The following HECW1 variants were observed in gnomAD, a reference collection of about 807,000 sequenced individuals.
The protein encoded by HECW1 is HECT, C2 and WW domain containing E3 ubiquitin protein ligase 1.
Under a neutral mutation model 182.3 loss-of-function variants are expected in HECW1, and 61 were observed. The observed-to-expected ratio is 0.33, with a 90% CI of 0.27 to 0.41. The LOEUF (loss-of-function observed/expected upper bound fraction) is 0.41. HECW1 is among the 10% of genes least tolerant of loss of function. The pLI is 1.00. For synonymous variants in HECW1, 859 were observed against 832.6 expected (o/e 1.03, Z -0.55); for missense variants, 1,739 against 2,108.9 (o/e 0.82, Z 3.44).
At chr7:43,258,589 G>A (rs1225565611) in intron 3 of HECW1, 2 of 152,254 alleles carry the variant, frequency 1.3e-5, no homozygotes, top group Middle Eastern at 3.4e-3. Context: ...GTACTTGAAT[G>A]GGAATATAGA....
At chr7:43,233,037 C>T (rs1421904297) in intron 2 of HECW1, among the ~76,000 whole-genome samples, 2 of 152,160 alleles carry the variant, frequency 1.3e-5, no homozygotes, top group East Asian at 3.9e-4. Flanking sequence ...TCTCAGCAGG[C>T]ACATATTCTC....
intron 8 of HECW1, among the ~76,000 whole-genome samples, chr7:43,430,430 A>G (rs1419840187): frequency 6.6e-6 from 1 of 152,262 alleles, no homozygotes; most frequent in Non-Finnish European, 1.5e-5. Context: ...CACAAAAAGT[A>G]TAGATTACAA....
At chr7:43,132,800 C>G (rs1787104185) in intron 2 of HECW1, among the ~76,000 whole-genome samples, 1 of 152,116 alleles carries the variant, frequency 6.6e-6, no homozygotes, top group South Asian at 2.1e-4. Context: ...TCCTTCCTTC[C>G]TTCCTCCCTT....
intron 14 of HECW1, 120 bp downstream of exon 14, chr7:43,463,919 G>T: frequency 8.7e-7 from 1 of 1,154,466 alleles, no homozygotes; most frequent in East Asian, 2.4e-5. Context: ...GAGAGTGGAA[G>T]TCCAGGGTGG....
At chr7:43,508,780 A>C in intron 23 of HECW1, 189 bp from the exon 24 acceptor site, 1 of 629,064 alleles carries the variant, frequency 1.6e-6, no homozygotes, top group Non-Finnish European at 2.8e-6. Flanking sequence ...ACATCTCCAA[A>C]CCAATTACTG....
At chr7:43,420,655 T>A (rs1456804566) in intron 8 of HECW1, among the ~76,000 whole-genome samples, 1 of 152,134 alleles carries the variant, frequency 6.6e-6, no homozygotes, top group African/African-American at 2.4e-5. Context: ...GTAAAATAAA[T>A]CATATTTCTA....
intron 2 of HECW1, among the ~76,000 whole-genome samples, chr7:43,180,177 G>A (rs1183204909): frequency 1.8e-5 from 2 of 109,140 alleles, no homozygotes; most frequent in East Asian, 9.0e-4. Context: ...TTATAGCAGA[G>A]GTTATGTGAC....
chr7:43,189,466 G>T (rs1172913964), intron 2 of HECW1, among the ~76,000 whole-genome samples: 1 of 152,136 alleles, frequency 6.6e-6, no homozygotes, highest in Admixed American at 6.5e-5. Context: ...AAGAGATTGT[G>T]TGCAGGTCGC....
chr7:43,508,845 C>T, intron 23 of HECW1, 124 bp from the exon 24 acceptor site: 1 of 923,122 alleles, frequency 1.1e-6, no homozygotes, highest in South Asian at 1.6e-5. Flanking sequence ...CTCCAAAGAG[C>T]AGAGGCTGCT....
At chr7:43,235,587 G>A (rs1362075979) in intron 2 of HECW1, among the ~76,000 whole-genome samples, 1 of 152,164 alleles carries the variant, frequency 6.6e-6, no homozygotes, top group Non-Finnish European at 1.5e-5. Context: ...ATGAAAACAG[G>A]AATTTAATCC....
Position 43,214,172 on chromosome 7 carries a change from T to A in HECW1, c.-31-29703T>A, listed in dbSNP as rs1796246959. On this transcript the variant is annotated intron_variant, in intron 2 of 29. Transcript: ENST00000395891. ...CTAGTTTTTCATATATATTTCTCTC[T>A]AATTTTTATAGTTATTTTTCATTTT... Among the ~76,000 whole-genome samples, 3 of 152,086 alleles carry A rather than the reference T, an allele frequency of 2.0e-5. No homozygotes were observed. In the East Asian group the frequency reaches 5.8e-4, roughly 29 times the overall value.
At chr7:43,269,316 T>A (rs181256407) in intron 3 of HECW1, among the ~76,000 whole-genome samples, 1 of 152,362 alleles carries the variant, frequency 6.6e-6, no homozygotes, top group Non-Finnish European at 1.5e-5. Context: ...CCCTCACATA[T>A]TCTGCTCTTT....
At chr7:43,491,355 G>A (rs1285712525) in intron 17 of HECW1, among the ~76,000 whole-genome samples, 1 of 152,196 alleles carries the variant, frequency 6.6e-6, no homozygotes, top group Non-Finnish European at 1.5e-5. Flanking sequence ...AAGATGCTAT[G>A]TGAACAGAAG....
intron 2 of HECW1, among the ~76,000 whole-genome samples, chr7:43,133,970 A>G (rs772984201): frequency 6.6e-5 from 10 of 152,228 alleles, no homozygotes; most frequent in African/African-American, 2.4e-4. Flanking sequence ...AGAGCTGTAC[A>G]TTGTCACATG....
At chr7:43,215,398 C>A (rs533075100) in intron 2 of HECW1, among the ~76,000 whole-genome samples, 2 of 152,320 alleles carry the variant, frequency 1.3e-5, no homozygotes, top group East Asian at 3.9e-4. Context: ...GACGGCAATC[C>A]TACGTAATGC....
At chr7:43,195,868 T>A (rs1794416600) in intron 2 of HECW1, among the ~76,000 whole-genome samples, 1 of 152,162 alleles carries the variant, frequency 6.6e-6, no homozygotes, top group Admixed American at 6.5e-5. Flanking sequence ...CTCAGAACTG[T>A]GGTGCCACCC....
chr7:43,458,407 G>A (rs1410692383), intron 13 of HECW1, among the ~76,000 whole-genome samples: 3 of 152,058 alleles, frequency 2.0e-5, no homozygotes, highest in Non-Finnish European at 4.4e-5. Flanking sequence ...TAAAAATTAG[G>A]CCAAATCCAT....
chr7:43,363,051 G>A (rs1301730566), intron 6 of HECW1, among the ~76,000 whole-genome samples: 17 of 152,234 alleles, frequency 1.1e-4, no homozygotes, highest in Admixed American at 7.9e-4. Flanking sequence ...TAGAGCATTT[G>A]TCGTCTCTGA....
intron 24 of HECW1, among the ~76,000 whole-genome samples, chr7:43,517,437 G>A (rs1308131127): frequency 6.6e-6 from 1 of 151,920 alleles, no homozygotes; most frequent in Non-Finnish European, 1.5e-5. Context: ...AAGGGGAAGT[G>A]GGGGAGGAGG....
Sources: allele counts gnomAD v4.1 joint callset (sites outside exome capture counted in the v4.1 genomes callset), GRCh38; gene constraint gnomAD v4.1.1; transcripts MANE v1.5; gene names NCBI Gene and HGNC (gene_info 2026-07-23, HGNC 2026-07-21).